SUZ12: variants seen among roughly 807,000 people sequenced by gnomAD.
SUZ12 encodes the protein polycomb protein SUZ12.
In SUZ12, 17 loss-of-function variants were observed where a neutral mutation model predicts 87.3. The ratio of observed to expected loss-of-function variants is 0.19; its 90% CI spans 0.13 to 0.29. The LOEUF (loss-of-function observed/expected upper bound fraction) is 0.29, where lower values mean the gene tolerates loss of function less well. Among genes scored for constraint, SUZ12 ranks in the 10% least tolerant of loss-of-function variants. The pLI is 1.00. For synonymous variants in SUZ12, 253 were observed against 312.4 expected (o/e 0.81, Z 2.01); for missense variants, 526 against 912.2 (o/e 0.58, Z 5.45).
At chr17:31,978,903 C>T (rs1270745717) in intron 8 of SUZ12, among the ~76,000 whole-genome samples, 2 of 151,614 alleles carry the variant, frequency 1.3e-5, no homozygotes, top group Admixed American at 6.6e-5. Context: ...GTCAAGAGAT[C>T]GAGACCGTCC....
At chr17:31,959,712 TA>T (rs1907580780) in intron 4 of SUZ12, among the ~76,000 whole-genome samples, 2 of 152,220 alleles carry the variant, frequency 1.3e-5, no homozygotes, top group African/African-American at 4.8e-5. Context: ...CCTCTTGTCA[TA>T]AAAATTACTT....
At chr17:31,949,105 C>T (rs985028179) in intron 4 of SUZ12, among the ~76,000 whole-genome samples, 3 of 152,162 alleles carry the variant, frequency 2.0e-5, no homozygotes, top group African/African-American at 7.2e-5. Flanking sequence ...GAACACTGGA[C>T]CCTTCTCTTC....
intron 4 of SUZ12, among the ~76,000 whole-genome samples, chr17:31,954,618 A>C (rs978323571): frequency 8.5e-5 from 13 of 152,120 alleles, no homozygotes; most frequent in Non-Finnish European, 1.8e-4. Context: ...AATAAATATG[A>C]AATAAGTGCT....
chr17:31,989,099 T>G (rs942930005), intron 10 of SUZ12, among the ~76,000 whole-genome samples: 1 of 151,466 alleles, frequency 6.6e-6, no homozygotes, highest in African/African-American at 2.4e-5. Context: ...GTCAATAAAT[T>G]AAAAAAGTAG....
At chr17:31,965,898 GGTTTT>G (rs1353406983) in intron 4 of SUZ12, 6 of 326,904 alleles carry the variant, frequency 1.8e-5, no homozygotes, top group African/African-American at 1.3e-4. Flanking sequence ...GTGTTTTTGT[GGTTTT>G]GTTCTTACTT....
chr17:31,985,706 A>C (rs1008388799), intron 9 of SUZ12, among the ~76,000 whole-genome samples: 1 of 151,482 alleles, frequency 6.6e-6, no homozygotes, highest in African/African-American at 2.4e-5. Context: ...TCTGTCACCC[A>C]GGCTGGAGTA....
At chr17:31,944,413 A>C (rs1051526113) in intron 3 of SUZ12, among the ~76,000 whole-genome samples, 2 of 152,180 alleles carry the variant, frequency 1.3e-5, no homozygotes, top group African/African-American at 4.8e-5. Flanking sequence ...CAGGTGTGAA[A>C]CACCACGTCC....
intron 4 of SUZ12, among the ~76,000 whole-genome samples, chr17:31,960,345 G>T (rs1407659982): frequency 6.6e-6 from 1 of 151,910 alleles, no homozygotes; most frequent in Non-Finnish European, 1.5e-5. Context: ...TGAGTAGCTG[G>T]GATTACAGGT....
intron 8 of SUZ12, among the ~76,000 whole-genome samples, chr17:31,981,468 A>C (rs1909098675): frequency 1.3e-5 from 2 of 152,234 alleles, no homozygotes; most frequent in South Asian, 4.1e-4. Flanking sequence ...CACATACATT[A>C]CAGATAGGAG....
At chr17:31,944,380 G>A (rs141263993) in intron 3 of SUZ12, among the ~76,000 whole-genome samples, 3,753 of 152,142 alleles carry the variant, frequency 0.025, 70 homozygotes, top group Non-Finnish European at 0.04. Flanking sequence ...TGCCCACCTC[G>A]GACTCCCAAA....
At chr17:31,953,497 T>G (rs2036827826) in intron 4 of SUZ12, among the ~76,000 whole-genome samples, 2 of 152,144 alleles carry the variant, frequency 1.3e-5, no homozygotes, top group Non-Finnish European at 2.9e-5. Flanking sequence ...TGGATTGAAC[T>G]TGTGGACTAA....
At chr17:31,991,005 C>G (rs1347410063) in intron 10 of SUZ12, among the ~76,000 whole-genome samples, 2 of 152,162 alleles carry the variant, frequency 1.3e-5, no homozygotes, top group Admixed American at 1.3e-4. Context: ...CCTTAGCATC[C>G]CAAAGTACTG....
At chr17:31,993,825 G>A (rs753292692) in intron 11 of SUZ12, 40 bp from the exon 12 acceptor site, 21 of 1,553,798 alleles carry the variant, frequency 1.4e-5, no homozygotes, top group African/African-American at 5.6e-5. Context: ...CTTGTTATGC[G>A]TAAATTGGAG....
chr17:31,998,641 C>G lies in SUZ12; in HGVS notation c.1875-17C>G, dbSNP rs779648238. On this transcript the variant is annotated splice_polypyrimidine_tract_variant and intron_variant, in intron 15 of 15. Coordinates refer to ENST00000322652, the MANE Select transcript of SUZ12 (RefSeq NM_015355.4). Reference sequence around the variant, plus strand: ...AATGCTTTGTATTGCTATTCATATTCTGTTTTTATTAAATAGGTTTATTGC... The same window carrying G: ...AATGCTTTGTATTGCTATTCATATTGTGTTTTTATTAAATAGGTTTATTGC... 1.3e-6 allele frequency: 2 copies of G among 1,509,212 alleles called. No individual in the cohort carries two copies. Among genetic ancestry groups the G allele is most frequent in the Non-Finnish European group, 1.8e-6 (2 of 1,130,198 alleles). The allele number at this position is 1,509,212 out of a possible 1,614,324, so 93.5% of individuals were successfully genotyped here.
At chr17:31,942,784 T>G (rs1246994398) in intron 3 of SUZ12, among the ~76,000 whole-genome samples, 3 of 152,230 alleles carry the variant, frequency 2.0e-5, no homozygotes, top group Non-Finnish European at 4.4e-5. Flanking sequence ...ATTTAGTACT[T>G]AACCATACAT....
At chr17:31,981,472 A>G (rs978784363) in intron 8 of SUZ12, among the ~76,000 whole-genome samples, 1 of 152,216 alleles carries the variant, frequency 6.6e-6, no homozygotes, top group Non-Finnish European at 1.5e-5. Flanking sequence ...TACATTACAG[A>G]TAGGAGGGTG....
At chr17:31,986,767 G>A (rs1367299150) in intron 9 of SUZ12, among the ~76,000 whole-genome samples, 2 of 152,108 alleles carry the variant, frequency 1.3e-5, no homozygotes, top group African/African-American at 2.4e-5. Flanking sequence ...GTCCAGGATG[G>A]TCTCGAACTC....
At chr17:31,964,907 G>A (rs2142159966) in intron 4 of SUZ12, among the ~76,000 whole-genome samples, 1 of 152,016 alleles carries the variant, frequency 6.6e-6, no homozygotes, top group African/African-American at 2.4e-5. Context: ...GCTTGAACTC[G>A]GGAGGCGGAG....
chr17:31,941,105 TTTTG>T (rs1168241424), intron 3 of SUZ12, among the ~76,000 whole-genome samples: 20 of 152,210 alleles, frequency 1.3e-4, no homozygotes, highest in East Asian at 7.7e-4. Context: ...ATTTCTCTTT[TTTTG>T]TTTGTTTGTT....
Sources: gnomAD v4.1 joint callset for allele counts (sites outside exome capture counted in the v4.1 genomes callset) on GRCh38, gnomAD v4.1.1 for gene constraint, MANE v1.5 for transcripts, NCBI Gene and HGNC (gene_info 2026-07-23, HGNC 2026-07-21) for gene names.